The following TTN variants were observed in gnomAD, a reference collection of about 807,000 sequenced individuals.
TTN encodes titin, also known as connectin.
A neutral mutation model predicts 3,223.0 loss-of-function variants in TTN; 1,525 were observed. The observed-to-expected ratio is 0.47, with a 90% CI of 0.45 to 0.49. TTN has a LOEUF of 0.49. TTN is among the 20% of genes least tolerant of loss of function. The pLI, the probability that TTN is intolerant of heterozygous loss-of-function variation, is 0.00. For synonymous variants in TTN, 14,094 were observed against 15,161.0 expected (o/e 0.93, Z 5.17); for missense variants, 40,786 against 43,424.0 (o/e 0.94, Z 5.40).
chr2:178,790,032 T>G lies in TTN; in HGVS notation c.1884A>C (p.Arg628Ser). 6.2e-7 allele frequency: 1 copy of G among 1,613,334 alleles called. No homozygotes were observed. The highest frequency in any genetic ancestry group is 8.5e-7 in the Non-Finnish European group (1 of 1,179,496). The change falls in exon 12 of 363, where the codon AGA (arginine) becomes AGC (serine). Residue 628 changes from arginine to serine, a missense_variant. Arg to Ser is a moderately radical substitution (Grantham distance 110, BLOSUM62 -1). Transcript: ENST00000589042. Reference protein sequence around the residue: ...PKVKEQDLVSRGREGITTKRE... With the variant: ...PKVKEQDLVSSGREGITTKRE... The stretch of plus-strand genomic sequence containing the variant: ...TTTTGGTAGTAATGCCTTCTCTACC[T>G]CTTGATACTAAATCTTGTTCTTTGA...
chr2:178,592,007 G>A lies in TTN; in HGVS notation c.59897C>T (p.Pro19966Leu). The A allele has an allele frequency of 6.2e-7, 1 of 1,612,954 alleles. No homozygotes were observed. Among genetic ancestry groups the A allele is most frequent in the Non-Finnish European group, 8.5e-7 (1 of 1,179,450 alleles). Residue 19966 changes from proline to leucine, a missense_variant, in exon 302 of 363, where the codon CCA becomes CTA. By Grantham distance (98) the Pro-to-Leu change is moderately conservative. Coordinates refer to ENST00000589042, the MANE Select transcript of TTN (RefSeq NM_001267550.2). ...AGGATCCAAAGCCTTGATTGGTTTT[G>A]GTGTTTCAACAAAAGGACCACGTCC... Reference protein sequence around the residue: ...QYGRGPFVETPKPIKALDPLH... With the variant: ...QYGRGPFVETLKPIKALDPLH...
intron 36 of TTN, 44 bp downstream of exon 36, chr2:178,770,016 G>T: frequency 6.2e-7 from 1 of 1,614,080 alleles, no homozygotes; most frequent in Non-Finnish European, 8.5e-7. Flanking sequence ...TAGATACATG[G>T]GGTTCATTAA....
At position 178,548,814 on chromosome 2, in the gene TTN, T is replaced by TAAC; in HGVS notation, c.92809_92811dup (p.Val30937dup). 6.2e-7 allele frequency: 1 copy of TAAC among 1,612,864 alleles called. No individual in the cohort carries two copies. Among genetic ancestry groups the TAAC allele is most frequent in the Non-Finnish European group, 8.5e-7 (1 of 1,179,808 alleles). ...AAGAGGCGAATACTGGCCCCAGCTC[T>TAAC]AACAACATGAGTCTGTTTGAAGTTT... is the stretch of plus-strand genomic sequence containing the variant. On this transcript the variant is annotated inframe_insertion, in exon 339 of 363. Coordinates refer to ENST00000589042, the MANE Select transcript of TTN (RefSeq NM_001267550.2). The surrounding 1 kb of genome is among the most constrained non-coding windows in gnomAD (Gnocchi z 4.3).
Position 178,546,352 on chromosome 2 carries a change from T to C in TTN, c.94979A>G (p.Glu31660Gly). The change falls in exon 342 of 363, where the codon GAA becomes GGA. Residue 31660 changes from glutamate (E) to glycine (G), a missense_variant. By Grantham distance (98) the Glu-to-Gly change is moderately conservative. Coordinates refer to ENST00000589042, the MANE Select transcript of TTN (RefSeq NM_001267550.2). ...GCCAGTATACTGCAAAGAGACTTTTTCACAGAGATCTAGCTCCTTGTCTCC... is the reference window on the plus strand; with the variant it reads ...GCCAGTATACTGCAAAGAGACTTTTCCACAGAGATCTAGCTCCTTGTCTCC... ...TKGDKELDLC[E>G]KVSLQYTGKR... 1 of 1,613,812 alleles carries C rather than the reference T, an allele frequency of 6.2e-7. No homozygotes were observed. The highest frequency in any genetic ancestry group is 8.5e-7 in the Non-Finnish European group (1 of 1,179,772).
At chr2:178,541,240 A>T (rs1461221081) in intron 350 of TTN, 42 bp downstream of exon 350, 1 of 1,436,516 alleles carries the variant, frequency 7.0e-7, no homozygotes, top group Admixed American at 2.6e-5. Flanking sequence ...CCCACATATA[A>T]ATTGTAACTC....
At chr2:178,697,302 A>G in intron 112 of TTN, 134 bp from the exon 113 acceptor site, 4 of 649,022 alleles carry the variant, frequency 6.2e-6, no homozygotes, top group Non-Finnish European at 9.7e-6. Flanking sequence ...CCTTCCAGGA[A>G]TCATAATAAT....
rs1448747320 is a variant in TTN at position 178,666,878 on chromosome 2, T to C, written c.35821A>G (p.Ile11941Val). ...ACAATAGGAGTTTCTCCCTCTGGAA[T>C]GACTTCCTTGAAGACTTCAAACTCT... ...TEEFEVFKEV[I>V]PEGETPIVKR... Residue 11941 changes from isoleucine to valine, a missense_variant, in exon 163 of 363, where the codon ATT becomes GTT. Physicochemically the swap from Ile to Val is conservative, Grantham distance 29. Coordinates refer to ENST00000589042, the MANE Select transcript of TTN (RefSeq NM_001267550.2). 1.9e-6 allele frequency: 3 copies of C among 1,567,972 alleles called. No homozygotes were observed. The highest frequency in any genetic ancestry group is 4.6e-5 in the East Asian group (2 of 43,106).
chr2:178,768,637 A>AT (rs763961466), intron 38 of TTN, 36 bp downstream of exon 38: 2 of 1,613,452 alleles, frequency 1.2e-6, no homozygotes, highest in Admixed American at 1.7e-5. Flanking sequence ...CATGTATGAC[A>AT]TTTTTTCTAT....
intron 213 of TTN, among the ~76,000 whole-genome samples, chr2:178,647,980 G>C (rs1407948274): frequency 6.6e-6 from 1 of 152,072 alleles, no homozygotes; most frequent in Non-Finnish European, 1.5e-5. Context: ...ATAATGGTCA[G>C]AGGCCACTAA....
At position 178,766,383 on chromosome 2, in the gene TTN, T is replaced by A. The variant is rs397517791; in HGVS notation, c.9701A>T (p.Asn3234Ile). The part of the protein sequence containing the change: ...RNRSSVTLYV[N>I]APEPPQVLQE... Reference sequence around the variant, plus strand: ...TGCTGAAATCTGTCCCTACATACCATTGACATAGAGAGTGACAGAACTCCT... The same window carrying A: ...TGCTGAAATCTGTCCCTACATACCAATGACATAGAGAGTGACAGAACTCCT... Residue 3234 changes from asparagine (N) to isoleucine (I), a missense_variant and splice_region_variant, in exon 41 of 363, where the codon AAT becomes ATT. By Grantham distance (149) the Asn-to-Ile change is moderately radical. Transcript: ENST00000589042. 6.2e-7 allele frequency: 1 copy of A among 1,603,754 alleles called. No individual in the cohort carries two copies. Among genetic ancestry groups the A allele is most frequent in the South Asian group, 1.1e-5 (1 of 90,890 alleles).
rs761060142 is a variant in TTN, at chr2:178,652,506, T to C, written c.39079A>G (p.Lys13027Glu). The part of the protein sequence containing the change: ...EAPKEVVPEK[K>E]VPAAPPKKPE... ...TTTTTAGGAGGAGCCGCTGGCACTT[T>C]CTTTTCAGGAACAACTTCTTTCGGA... Residue 13027 changes from lysine to glutamate, a missense_variant, in exon 202 of 363, where the codon AAA (lysine) becomes GAA (glutamate). By Grantham distance (56) the Lys-to-Glu change is moderately conservative (BLOSUM62 1). Coordinates refer to ENST00000589042, the MANE Select transcript of TTN (RefSeq NM_001267550.2). The C allele has an allele frequency of 3.4e-5, 55 of 1,613,518 alleles. No homozygotes were observed. Among genetic ancestry groups the C allele is most frequent in the Non-Finnish European group, 4.6e-5 (54 of 1,179,658 alleles).
rs397517533 is a variant in TTN, at chr2:178,701,160, T to C, written c.30642A>G (p.Pro10214=). The C allele has an allele frequency of 7.4e-6, 12 of 1,613,674 alleles. No individual in the cohort carries two copies. The Admixed American group carries it at 1.2e-4, about 16-fold the overall frequency. The change falls in exon 111 of 363, where the codon CCA becomes CCG. Residue 10214 remains proline (P), a synonymous_variant. Transcript: ENST00000589042. The stretch of plus-strand genomic sequence containing the variant: ...GTGGTGGTTTCTTTTCTTCGGGTGT[T>C]GGTAGCAAAAGGGGGATAGGAGGAG... The part of the protein sequence containing the change: ...VVAPPIPLLL[P]TPEEKKPPPK...
At position 178,597,713 on chromosome 2, in the gene TTN, G is replaced by T; in HGVS notation, c.57369C>A (p.Thr19123=). ...TTCTTTCATTCATGTTCCAGGTGACGGTTGGAGGAGGCTTTCCAGACACAT... is the reference window on the plus strand; with the variant it reads ...TTCTTTCATTCATGTTCCAGGTGACTGTTGGAGGAGGCTTTCCAGACACAT... ...IAYVSGKPPP[T]VTWNMNERTL... is the part of the protein sequence containing the mutation. The change falls in exon 294 of 363, where the codon ACC becomes ACA. Residue 19123 remains threonine, a synonymous_variant. Coordinates refer to ENST00000589042, the MANE Select transcript of TTN (RefSeq NM_001267550.2). 1.2e-6 allele frequency: 2 copies of T among 1,613,244 alleles called. No homozygotes were observed. Among genetic ancestry groups the T allele is most frequent in the Non-Finnish European group, 1.7e-6 (2 of 1,179,538 alleles).
In TTN at chr2:178,541,584, C is replaced by T. The variant is rs776809685; in HGVS notation, c.97493G>A (p.Arg32498His). 4 of 1,603,540 alleles carry T rather than the reference C, an allele frequency of 2.5e-6. No homozygotes were observed. Among genetic ancestry groups the T allele is most frequent in the East Asian group, 4.5e-5 (2 of 44,462 alleles). Residue 32498 changes from arginine to histidine, a missense_variant and splice_region_variant, in exon 350 of 363, where the codon CGT becomes CAT. Arg to His is a conservative substitution (Grantham distance 29, BLOSUM62 0). Transcript: ENST00000589042. ...SEVIECRSSI[R>H]IPGPPETLQI... ...TAATGTTTCTGGGGGTCCAGGAATA[C>T]CTGCAGCAAGACAGAGGTTAACACG...
At position 178,607,116 on chromosome 2, in the gene TTN, T is replaced by A. The variant is rs764618019; in HGVS notation, c.53486A>T (p.Glu17829Val). The change falls in exon 278 of 363, where the codon GAG becomes GTG. Residue 17829 changes from glutamate to valine, a missense_variant. Physicochemically the swap from Glu to Val is moderately radical, Grantham distance 121. Transcript: ENST00000589042. ...RSKCDITGLL[E>V]GQEYKFRVIA... is the part of the protein sequence containing the mutation. ...AACACGGAACTTATATTCTTGTCCC[T>A]CAAGCAGACCTGTGATGTCACATTT... 4 of 1,612,686 alleles carry A rather than the reference T, an allele frequency of 2.5e-6. No homozygotes were observed. Among genetic ancestry groups the A allele is most frequent in the Non-Finnish European group, 3.4e-6 (4 of 1,179,244 alleles).
At chr2:178,541,786 A>G in intron 349 of TTN, 1 of 315,384 alleles carries the variant, frequency 3.2e-6, no homozygotes, top group Non-Finnish European at 5.2e-6. Context: ...TTTATTAAAA[A>G]TTTTTGACTT....
Position 178,608,074 on chromosome 2 carries a change from A to G in TTN, c.52713T>C (p.Pro17571=), listed in dbSNP as rs753302282. 1 of 1,611,992 alleles carries G rather than the reference A, an allele frequency of 6.2e-7. No individual in the cohort carries two copies. Among genetic ancestry groups the G allele is most frequent in the South Asian group, 1.1e-5 (1 of 91,020 alleles). The stretch of plus-strand genomic sequence containing the variant: ...CAGTGACTCTTGGGATAGGTGGCCC[A>G]GGAGGAGCTAGAATGAATGAAGATA... The part of the protein sequence containing the change: ...PKTAHDPISP[P]GPPIPRVTDT... Residue 17571 remains proline, a synonymous_variant, in exon 276 of 363, where the codon CCT becomes CCC. Transcript: ENST00000589042.
At chr2:178,680,736 G>C (rs1215791271) in intron 138 of TTN, among the ~76,000 whole-genome samples, 1 of 151,962 alleles carries the variant, frequency 6.6e-6, no homozygotes, top group Non-Finnish European at 1.5e-5. Flanking sequence ...TGAATAAACA[G>C]TTACCAAAGC....
At chr2:178,641,717 T>C (rs1165937514) in intron 219 of TTN, among the ~76,000 whole-genome samples, 1 of 151,914 alleles carries the variant, frequency 6.6e-6, no homozygotes, top group Admixed American at 6.6e-5. Flanking sequence ...TAAAAATCAG[T>C]AATTCTATGT....
Sources: gnomAD v4.1 joint callset for allele counts (sites outside exome capture counted in the v4.1 genomes callset) on GRCh38, gnomAD v4.1.1 for gene constraint, Gnocchi (gnomAD v3.1) non-coding constraint, MANE v1.5 for transcripts, NCBI Gene and HGNC (gene_info 2026-07-23, HGNC 2026-07-21) for gene names.